Variants in TASP1 observed in about 807,000 individuals in gnomAD.
TASP1 encodes the protein taspase 1.
TASP1 carries 16 observed loss-of-function variants against 56.6 expected under a neutral mutation model. The ratio of observed to expected loss-of-function variants is 0.28; its 90% confidence interval spans 0.19 to 0.43. TASP1 has a LOEUF of 0.43. TASP1 is among the 20% of genes least tolerant of loss of function. The pLI is 1.00. For missense variants in TASP1, 393 were observed against 511.6 expected, an observed-to-expected ratio of 0.77 and a Z score of 2.24; for synonymous variants, 179 against 184.2, an observed-to-expected ratio of 0.97 and a Z score of 0.23.
chr20:13,225,057 G>A, the TASP1 span, among the ~76,000 whole-genome samples: 1 of 148,642 alleles, frequency 6.7e-6, no homozygotes, highest in Non-Finnish European at 1.5e-5. Context: ...GTTTCACCGT[G>A]TTAGCCAGGA....
At chr20:13,231,315 C>G in the TASP1 span, among the ~76,000 whole-genome samples, 2 of 152,206 alleles carry the variant, frequency 1.3e-5, no homozygotes, top group African/African-American at 4.8e-5. Context: ...CAGGCTACCC[C>G]ATGCCCTCCC....
chr20:13,612,054 G>A (rs62207619), intron 4 of TASP1, among the ~76,000 whole-genome samples: 453 of 152,158 alleles, frequency 3.0e-3, no homozygotes, highest in Non-Finnish European at 5.0e-3. Context: ...CAGGTTTCAG[G>A]CAAAATAGCT....
Position 13,458,310 on chromosome 20 carries a change from A to G in TASP1, c.986-23156T>C, listed in dbSNP as rs142276899. ...GGAAGAAAAAGAGTGCCAGTAATTC[A>G]AATTTTTAATTTCCACAGTTTTTGT... On this transcript the variant is annotated intron_variant, in intron 11 of 13. Coordinates refer to ENST00000337743, the MANE Select transcript of TASP1 (RefSeq NM_017714.3). Among the ~76,000 whole-genome samples, 260 of 152,244 alleles carry G rather than the reference A, an allele frequency of 1.7e-3. 4 individuals carry two copies. The East Asian group carries it at 0.036, about 21-fold the overall frequency.
At chr20:13,385,924 C>T (rs543232902), downstream of TASP1, among the ~76,000 whole-genome samples, 6 of 152,300 alleles carry the variant, frequency 3.9e-5, no homozygotes, top group South Asian at 2.1e-4. Context: ...AGCTTTCCAT[C>T]GTTCTGGAAA....
the TASP1 span, among the ~76,000 whole-genome samples, chr20:13,163,338 A>G: frequency 6.8e-6 from 1 of 147,326 alleles, no homozygotes; most frequent in Non-Finnish European, 1.5e-5. Flanking sequence ...ACTGCACTCC[A>G]GCCTGGGCAA....
At chr20:13,141,917 T>C in the TASP1 span, among the ~76,000 whole-genome samples, 1 of 152,172 alleles carries the variant, frequency 6.6e-6, no homozygotes, top group Admixed American at 6.5e-5. Context: ...GCAATCAAGG[T>C]GACAGACATT....
chr20:13,441,804 G>T (rs2043221492), intron 11 of TASP1, among the ~76,000 whole-genome samples: 1 of 152,178 alleles, frequency 6.6e-6, no homozygotes, highest in African/African-American at 2.4e-5. Context: ...GTCTACAGAA[G>T]CTGGGTCTGC....
the TASP1 span, among the ~76,000 whole-genome samples, chr20:13,271,212 T>G: frequency 1.3e-5 from 2 of 152,276 alleles, no homozygotes; most frequent in Non-Finnish European, 2.9e-5. Flanking sequence ...CCTCTAAACT[T>G]GCCTTGGACA....
At chr20:13,618,601 C>A (rs2048604681) in intron 4 of TASP1, among the ~76,000 whole-genome samples, 1 of 152,146 alleles carries the variant, frequency 6.6e-6, no homozygotes, top group South Asian at 2.1e-4. Flanking sequence ...ACACAGAGAT[C>A]CAAGACAATG....
chr20:13,303,642 A>T, the TASP1 span, among the ~76,000 whole-genome samples: 1 of 152,202 alleles, frequency 6.6e-6, no homozygotes, highest in African/African-American at 2.4e-5. Context: ...CTGGACTCCA[A>T]TCCTGACTCT....
chr20:13,619,801 T>C (rs2048646864), intron 4 of TASP1, among the ~76,000 whole-genome samples: 1 of 152,162 alleles, frequency 6.6e-6, no homozygotes, highest in African/African-American at 2.4e-5. Context: ...AGAATTCACT[T>C]TCTCATCAGT....
At chr20:13,542,847 G>A (rs990647848) in intron 8 of TASP1, among the ~76,000 whole-genome samples, 13 of 151,812 alleles carry the variant, frequency 8.6e-5, no homozygotes, top group African/African-American at 2.9e-4. Flanking sequence ...GGAAATTTAT[G>A]TCCAAAATTT....
the TASP1 span, among the ~76,000 whole-genome samples, chr20:13,142,090 T>C: frequency 6.6e-6 from 1 of 152,216 alleles, no homozygotes; most frequent in Non-Finnish European, 1.5e-5. Flanking sequence ...TGCCCCTTCA[T>C]TTACTTTATC....
chr20:13,327,345 T>C, the TASP1 span, among the ~76,000 whole-genome samples: 6 of 152,048 alleles, frequency 3.9e-5, no homozygotes, highest in African/African-American at 1.4e-4. Context: ...TGCACAAGGA[T>C]AGGAAGAATC....
intron 1 of TASP1, among the ~76,000 whole-genome samples, chr20:13,630,506 T>A (rs1194753851): frequency 6.6e-6 from 1 of 151,756 alleles, no homozygotes; most frequent in Non-Finnish European, 1.5e-5. Context: ...CTGACCAACA[T>A]GGTGAAACCT....
At chr20:13,214,560 C>CAGAGAGAGAGAGAGAGAG in the TASP1 span, among the ~76,000 whole-genome samples, 1 of 118,330 alleles carries the variant, frequency 8.5e-6, no homozygotes, top group African/African-American at 3.1e-5. Context: ...CACACACACA[C>CAGAGAGAGAGAGAGAGAG]ACAGAGAGAG....
At chr20:13,433,561 C>G (rs2042892155) in intron 12 of TASP1, among the ~76,000 whole-genome samples, 1 of 146,734 alleles carries the variant, frequency 6.8e-6, no homozygotes, top group South Asian at 2.1e-4. Context: ...TGGTTAGTGT[C>G]CAGGTGGAGA....
the TASP1 span, among the ~76,000 whole-genome samples, chr20:13,118,893 T>G: frequency 6.6e-6 from 1 of 152,260 alleles, no homozygotes; most frequent in East Asian, 1.9e-4. Context: ...GCACAGATGC[T>G]TAAAATGTTC....
the TASP1 span, among the ~76,000 whole-genome samples, chr20:13,128,906 C>T: frequency 4.3e-5 from 6 of 141,060 alleles, no homozygotes; most frequent in Admixed American, 2.2e-4. Flanking sequence ...GACAGAGTTT[C>T]GCTCTTGTCA....
Sources: allele counts gnomAD v4.1 joint callset (sites outside exome capture counted in the v4.1 genomes callset), GRCh38; gene constraint gnomAD v4.1.1; transcripts MANE v1.5; gene names NCBI Gene and HGNC (gene_info 2026-07-23, HGNC 2026-07-21).